The following BTBD8 variants were observed in gnomAD, a reference collection of about 807,000 sequenced individuals.
BTBD8 encodes the protein BTB domain containing 8.
In BTBD8, 110 loss-of-function variants were observed where a neutral mutation model predicts 162.9. The ratio of observed to expected loss-of-function variants is 0.68; its 90% CI spans 0.58 to 0.79. The LOEUF (loss-of-function observed/expected upper bound fraction) is 0.79, where lower values mean the gene tolerates loss of function less well. BTBD8 is among the 30% of genes least tolerant of loss of function. BTBD8 has a pLI of 0.00. For synonymous variants in BTBD8, 667 were observed against 716.1 expected, an observed-to-expected ratio of 0.93 and a Z score of 1.10; for missense variants, 1,905 against 2,085.4, an observed-to-expected ratio of 0.91 and a Z score of 1.68.
chr1:92,119,893 C>CTTTTTTTTTTTTT (rs58297367), intron 4 of BTBD8, among the ~76,000 whole-genome samples: 1 of 58,388 alleles, frequency 1.7e-5, no homozygotes, highest in Non-Finnish European at 3.0e-5. Flanking sequence ...CGGCCCTTTT[C>CTTTTTTTTTTTTT]TTTTTTTTTT....
chr1:92,129,689 C>G lies in BTBD8; in HGVS notation c.665C>G (p.Ala222Gly). The stretch of plus-strand genomic sequence containing the variant: ...TTTCTCCCCCCTCTTCCCTTTAGGG[C>G]CATTTTGAGTGCCAGATCTAGTTAT... ...VDGKRFKAHR[A>G]ILSARSSYFA... Residue 222 changes from alanine (A) to glycine (G), a missense_variant and splice_region_variant, in exon 5 of 18, where the codon GCC (alanine) becomes GGC (glycine). Ala to Gly is a moderately conservative substitution (Grantham distance 60, BLOSUM62 0). This residue lies in a region of BTBD8 where 1,374 missense variants were observed against 1,442.7 expected (regional missense o/e 0.95). Coordinates refer to ENST00000636805, the MANE Select transcript of BTBD8 (RefSeq NM_001376131.1). 4.3e-6 allele frequency: 7 copies of G among 1,613,366 alleles called. No individual in the cohort carries two copies. The highest frequency in any genetic ancestry group is 5.9e-6 in the Non-Finnish European group (7 of 1,179,358).
chr1:92,126,030 A>T, intron 4 of BTBD8: 1 of 478,372 alleles, frequency 2.1e-6, no homozygotes, highest in South Asian at 1.7e-5. Context: ...AAGAATCCAT[A>T]TGGGAAGCAC....
At chr1:92,110,523 T>A (rs953801000) in intron 4 of BTBD8, among the ~76,000 whole-genome samples, 1 of 152,224 alleles carries the variant, frequency 6.6e-6, no homozygotes, top group Non-Finnish European at 1.5e-5. Flanking sequence ...GGGATGCTAC[T>A]GCACATTACC....
intron 13 of BTBD8, among the ~76,000 whole-genome samples, chr1:92,173,433 T>G (rs149174324): frequency 4.9e-4 from 74 of 152,354 alleles, no homozygotes; most frequent in African/African-American, 1.7e-3. Flanking sequence ...CATTTTTTTC[T>G]GTGTTCCCTG....
chr1:92,106,660 C>CAAAAA (rs60676530), intron 3 of BTBD8, among the ~76,000 whole-genome samples: 120 of 9,952 alleles, frequency 0.012, 52 homozygotes, highest in South Asian at 0.041. Flanking sequence ...GACTCTGTCT[C>CAAAAA]AAAAAAAAAA....
At chr1:92,163,199 C>CA (rs1000209987) in intron 9 of BTBD8, among the ~76,000 whole-genome samples, 1 of 151,176 alleles carries the variant, frequency 6.6e-6, no homozygotes, top group African/African-American at 2.4e-5. Context: ...CTAAAAAATA[C>CA]AAAAAATTAT....
chr1:92,154,925 A>G (rs928680162), intron 9 of BTBD8, among the ~76,000 whole-genome samples: 2 of 152,080 alleles, frequency 1.3e-5, no homozygotes, highest in Non-Finnish European at 2.9e-5. Flanking sequence ...ATCCATTTTG[A>G]GTTGATATTT....
chr1:92,170,221 C>G (rs1270012394), intron 12 of BTBD8, among the ~76,000 whole-genome samples: 1 of 152,256 alleles, frequency 6.6e-6, no homozygotes, highest in East Asian at 1.9e-4. Flanking sequence ...AACTATCCAG[C>G]TAATCCAACA....
chr1:92,166,611 A>C (rs1650393763), intron 9 of BTBD8, among the ~76,000 whole-genome samples: 1 of 151,364 alleles, frequency 6.6e-6, no homozygotes, highest in South Asian at 2.1e-4. Context: ...TTTTAGTAGA[A>C]GTGGGTTTTC....
Position 92,177,104 on chromosome 1 carries a change from A to T in BTBD8, c.1911A>T (p.Val637=). The part of the protein sequence containing the change: ...GKNVSGKPKT[V]TKSKTENGDK... ...ATGTTTCTGGAAAGCCCAAAACTGT[A>T]ACAAAATCCAAAACAGAAAATGGTG... Residue 637 remains valine, a synonymous_variant, in exon 14 of 18, where the codon GTA becomes GTT. Transcript: ENST00000636805. 5.2e-6 allele frequency: 8 copies of T among 1,551,742 alleles called. No individual in the cohort carries two copies. The highest frequency in any genetic ancestry group is 7.0e-6 in the Non-Finnish European group (8 of 1,147,008).
chr1:92,132,683 C>T (rs1014937676), intron 5 of BTBD8, among the ~76,000 whole-genome samples: 3 of 152,164 alleles, frequency 2.0e-5, no homozygotes, highest in African/African-American at 4.8e-5. Context: ...GCTCACCCCT[C>T]TTACAGTATT....
At chr1:92,140,153 G>A (rs1649739995) in intron 6 of BTBD8, among the ~76,000 whole-genome samples, 1 of 151,076 alleles carries the variant, frequency 6.6e-6, no homozygotes, top group Non-Finnish European at 1.5e-5. Context: ...CAGGCGTGAT[G>A]GCTCACACCT....
At chr1:92,161,142 C>T (rs898590535) in intron 9 of BTBD8, among the ~76,000 whole-genome samples, 2 of 152,184 alleles carry the variant, frequency 1.3e-5, no homozygotes, top group African/African-American at 4.8e-5. Flanking sequence ...GCAGGAGCCT[C>T]TCAACTAGTT....
chr1:92,151,352 CAA>C (rs11406119), intron 9 of BTBD8, among the ~76,000 whole-genome samples: 12 of 127,904 alleles, frequency 9.4e-5, no homozygotes, highest in Non-Finnish European at 8.2e-5. Flanking sequence ...GAAACTGTCT[CAA>C]AAAAAAAAAA....
intron 5 of BTBD8, among the ~76,000 whole-genome samples, chr1:92,131,368 C>T (rs1649510706): frequency 6.6e-6 from 1 of 152,162 alleles, no homozygotes; most frequent in Non-Finnish European, 1.5e-5. Context: ...GAGTTGTTTT[C>T]ACTACTTGTA....
At chr1:92,165,634 A>G (rs1391211348) in intron 9 of BTBD8, among the ~76,000 whole-genome samples, 1 of 152,202 alleles carries the variant, frequency 6.6e-6, no homozygotes, top group African/African-American at 2.4e-5. Flanking sequence ...GGCAGCTTAA[A>G]ACAACTCCAC....
chr1:92,172,441 G>GTTGT (rs954985874), intron 13 of BTBD8, among the ~76,000 whole-genome samples: 1 of 152,146 alleles, frequency 6.6e-6, no homozygotes, highest in Non-Finnish European at 1.5e-5. Context: ...TGTTTTGTGT[G>GTTGT]TTGTTTGTTT....
intron 2 of BTBD8, among the ~76,000 whole-genome samples, chr1:92,095,974 C>G (rs1648440244): frequency 6.8e-6 from 1 of 146,788 alleles, no homozygotes; most frequent in Non-Finnish European, 1.5e-5. Context: ...AATCTTACTA[C>G]TTTTTTTTTT....
At chr1:92,156,831 C>G (rs1650168192) in intron 9 of BTBD8, among the ~76,000 whole-genome samples, 2 of 151,828 alleles carry the variant, frequency 1.3e-5, no homozygotes, top group Non-Finnish European at 2.9e-5. Context: ...ATCTTCTCTG[C>G]TTTTTTTCTT....
Sources: allele counts gnomAD v4.1 joint callset (sites outside exome capture counted in the v4.1 genomes callset), GRCh38; gene constraint gnomAD v4.1.1; regional missense constraint gnomAD v4.1.1; transcripts MANE v1.5; gene names NCBI Gene and HGNC (gene_info 2026-07-23, HGNC 2026-07-21).